CA10: variants seen among roughly 807,000 people sequenced by gnomAD.
CA10 encodes carbonic anhydrase-related protein 10.
In CA10, 14 loss-of-function variants were observed where a neutral mutation model predicts 44.2. The observed-to-expected ratio is 0.32, with a 90% CI of 0.21 to 0.50. The LOEUF is 0.50. CA10 is among the 20% of genes least tolerant of loss of function. The probability of loss-of-function intolerance (pLI) is 0.99; values close to 1 mark genes in which losing one functional copy is unlikely to be tolerated. For synonymous variants in CA10, 159 were observed against 141.6 expected, an observed-to-expected ratio of 1.12 and a Z score of -0.87; for missense variants, 350 against 409.7, an observed-to-expected ratio of 0.85 and a Z score of 1.26.
intron 3 of CA10, among the ~76,000 whole-genome samples, chr17:51,844,731 G>T (rs1013104619): frequency 2.6e-5 from 4 of 152,166 alleles, no homozygotes; most frequent in African/African-American, 9.7e-5. Flanking sequence ...AAGAGGCAGA[G>T]CCTAATTCCC....
At chr17:51,870,495 G>A (rs1337317147) in intron 3 of CA10, among the ~76,000 whole-genome samples, 1 of 152,208 alleles carries the variant, frequency 6.6e-6, no homozygotes, top group Non-Finnish European at 1.5e-5. Context: ...GAGAATGGAT[G>A]TGATGTTGTT....
intron 3 of CA10, among the ~76,000 whole-genome samples, chr17:51,805,791 C>A (rs1383229975): frequency 1.3e-5 from 2 of 152,210 alleles, no homozygotes; most frequent in African/African-American, 2.4e-5. Context: ...CCTGGGCAAC[C>A]ACTGATCTTC....
chr17:52,115,022 G>T (rs1213794543), intron 1 of CA10, among the ~76,000 whole-genome samples: 1 of 152,192 alleles, frequency 6.6e-6, no homozygotes, highest in Non-Finnish European at 1.5e-5. Flanking sequence ...GTTTACACCA[G>T]ATGTTTTTGT....
chr17:51,980,146 A>G (rs1028165190), intron 2 of CA10, among the ~76,000 whole-genome samples: 4 of 152,276 alleles, frequency 2.6e-5, no homozygotes, highest in Admixed American at 1.3e-4. Context: ...CACCCCCACC[A>G]ACAGTGTATA....
At chr17:52,072,672 TCC>T (rs1351744174) in intron 1 of CA10, among the ~76,000 whole-genome samples, 1 of 88,670 alleles carries the variant, frequency 1.1e-5, no homozygotes, top group Non-Finnish European at 2.1e-5. Flanking sequence ...CTCATCATCT[TCC>T]CCATACACAC....
At chr17:51,932,605 T>C (rs965807332) in intron 2 of CA10, among the ~76,000 whole-genome samples, 1 of 152,138 alleles carries the variant, frequency 6.6e-6, no homozygotes, top group Non-Finnish European at 1.5e-5. Context: ...TGGTAGACCA[T>C]TTCCTTTAGT....
At chr17:51,857,851 T>C (rs1238119992) in intron 3 of CA10, among the ~76,000 whole-genome samples, 1 of 152,146 alleles carries the variant, frequency 6.6e-6, no homozygotes, top group African/African-American at 2.4e-5. Context: ...ACCTCTCTGG[T>C]TCTGTGATAG....
intron 3 of CA10, among the ~76,000 whole-genome samples, chr17:51,853,831 C>T (rs746837617): frequency 1.3e-5 from 2 of 152,168 alleles, no homozygotes; most frequent in Non-Finnish European, 2.9e-5. Context: ...TGCTCTTCTG[C>T]TGCCTTGCGA....
intron 3 of CA10, among the ~76,000 whole-genome samples, chr17:51,907,492 A>G (rs1331981312): frequency 1.3e-5 from 2 of 152,104 alleles, no homozygotes; most frequent in East Asian, 1.9e-4. Context: ...ATATATATCT[A>G]CGTACTTTAT....
intron 2 of CA10, among the ~76,000 whole-genome samples, chr17:52,041,024 C>A (rs529076557): frequency 4.4e-4 from 67 of 152,032 alleles, no homozygotes; most frequent in African/African-American, 1.6e-3. Context: ...AGGTAGAACC[C>A]ATGAAAGGGC....
At chr17:51,672,106 G>A (rs971965055) in intron 4 of CA10, among the ~76,000 whole-genome samples, 5 of 152,158 alleles carry the variant, frequency 3.3e-5, no homozygotes, top group Non-Finnish European at 7.3e-5. Context: ...GTTAGTGCAT[G>A]TAAAACACCT....
chr17:52,047,703 T>C (rs550614028), intron 2 of CA10, among the ~76,000 whole-genome samples: 16 of 152,068 alleles, frequency 1.1e-4, no homozygotes, highest in African/African-American at 3.6e-4. Context: ...TTTTCTTCTA[T>C]AGTTATGAGA....
At chr17:52,121,324 T>C (rs1989010181) in intron 1 of CA10, among the ~76,000 whole-genome samples, 1 of 152,160 alleles carries the variant, frequency 6.6e-6, no homozygotes, top group African/African-American at 2.4e-5. Flanking sequence ...TCAGAACTCC[T>C]TGATTCTGCT....
chr17:51,836,595 A>G (rs1908486106), intron 3 of CA10, among the ~76,000 whole-genome samples: 1 of 152,222 alleles, frequency 6.6e-6, no homozygotes, highest in South Asian at 2.1e-4. Context: ...ACCAGGTAGT[A>G]AAGGCTCTGA....
intron 3 of CA10, among the ~76,000 whole-genome samples, chr17:51,889,906 A>G (rs934688038): frequency 5.9e-5 from 9 of 152,194 alleles, no homozygotes; most frequent in African/African-American, 2.2e-4. Context: ...ATGCTTTGAG[A>G]CTTTCTGACC....
intron 2 of CA10, among the ~76,000 whole-genome samples, chr17:52,067,222 G>A (rs1477975437): frequency 6.6e-6 from 1 of 152,258 alleles, no homozygotes; most frequent in African/African-American, 2.4e-5. Context: ...AGGCCTAGCT[G>A]CTTTGTGCAG....
chr17:52,009,462 A>G (rs556186910), intron 2 of CA10, among the ~76,000 whole-genome samples: 3 of 152,124 alleles, frequency 2.0e-5, no homozygotes, highest in African/African-American at 4.8e-5. Flanking sequence ...TTGCTGAACT[A>G]TGGTGCTGAT....
intron 1 of CA10, among the ~76,000 whole-genome samples, chr17:52,127,053 A>G (rs1323324447): frequency 2.0e-5 from 3 of 152,214 alleles, no homozygotes; most frequent in African/African-American, 7.2e-5. Flanking sequence ...TTCAGACAGT[A>G]ATTAAAAGGC....
At position 51,654,182 on chromosome 17, in the gene CA10, G is replaced by T. The variant is rs79961045; in HGVS notation, c.466-446C>A. Among the ~76,000 whole-genome samples, 409 of 152,328 alleles carry T rather than the reference G, an allele frequency of 2.7e-3. 1 individual carries two copies. Among genetic ancestry groups the T allele is most frequent in the Non-Finnish European group, 5.0e-3 (339 of 68,018 alleles). ...CAGGGAGCTGTTAGGTCCTGAGTCA[G>T]CCATGACTGGGATGAAACTGGCCAG... On this transcript the variant is annotated intron_variant, in intron 4 of 8. Transcript: ENST00000451037.
Sources: allele counts gnomAD v4.1 joint callset (sites outside exome capture counted in the v4.1 genomes callset), GRCh38; gene constraint gnomAD v4.1.1; transcripts MANE v1.5; gene names NCBI Gene and HGNC (gene_info 2026-07-23, HGNC 2026-07-21).